Variants in HP1BP3 observed in about 807,000 individuals in gnomAD.
The protein encoded by HP1BP3 is heterochromatin protein 1 binding protein 3.
In HP1BP3, 12 loss-of-function variants were observed where a neutral mutation model predicts 62.5. The ratio of observed to expected loss-of-function variants is 0.19; its 90% CI spans 0.12 to 0.31. The LOEUF (loss-of-function observed/expected upper bound fraction) is 0.31. Among genes scored for constraint, HP1BP3 ranks in the 10% least tolerant of loss-of-function variants. The pLI is 1.00. For missense variants in HP1BP3, 502 were observed against 651.8 expected, an observed-to-expected ratio of 0.77 and a Z score of 2.50; for synonymous variants, 260 against 237.8, an observed-to-expected ratio of 1.09 and a Z score of -0.86.
chr1:20,770,619 T>G (rs1057413821), intron 6 of HP1BP3, among the ~76,000 whole-genome samples: 3 of 152,052 alleles, frequency 2.0e-5, no homozygotes, highest in African/African-American at 7.2e-5. Context: ...CTAGCCTCAT[T>G]TTTGCTGTTT....
chr1:20,747,637 G>T lies in HP1BP3; in HGVS notation c.1160C>A (p.Thr387Asn). ...CCCATTCTTTTCGCATTTCTGCAGG[G>T]TTTTTTTCAGCAAATGCACTGAAAA... Reference protein sequence around the residue: ...SNYQMHLLKKTLQKCEKNGWM... With the variant: ...SNYQMHLLKKNLQKCEKNGWM... The change falls in exon 11 of 13, where the codon ACC becomes AAC. Residue 387 changes from threonine (T) to asparagine (N), a missense_variant. Thr to Asn is a moderately conservative substitution (Grantham distance 65, BLOSUM62 0). Around this residue, in one of 5 missense-constraint regions of HP1BP3, gnomAD observed 194 missense variants for 207.0 expected, o/e 0.94. Coordinates refer to ENST00000438032, the MANE Select transcript of HP1BP3 (RefSeq NM_001372052.1). 1 of 1,610,582 alleles carries T rather than the reference G, an allele frequency of 6.2e-7. No homozygotes were observed. The highest frequency in any genetic ancestry group is 8.5e-7 in the Non-Finnish European group (1 of 1,178,300).
At position 20,744,531 on chromosome 1, in the gene HP1BP3, G is replaced by A. The variant is rs1439740819; in HGVS notation, c.*266C>T. The A allele has an allele frequency of 6.9e-6, 2 of 290,050 alleles. No homozygotes were observed. The highest frequency in any genetic ancestry group is 1.3e-5 in the Non-Finnish European group (2 of 158,804). The allele number at this position is 290,050 out of a possible 1,614,324, so 18.0% of individuals were successfully genotyped here. A position where few individuals can be genotyped will look rare whatever the true frequency, so the allele number is the denominator to read the frequency against. ...AAACAACAGGGGGTTGGGGGAGGCA[G>A]AGAAAAAGGACAAGTATACATTACA... is the stretch of plus-strand genomic sequence containing the variant. On this transcript the variant is annotated 3_prime_UTR_variant, in exon 13 of 13. Transcript: ENST00000438032.
intron 8 of HP1BP3, among the ~76,000 whole-genome samples, chr1:20,757,717 T>C (rs1240449204): frequency 6.6e-6 from 1 of 152,106 alleles, no homozygotes; most frequent in African/African-American, 2.4e-5. Context: ...ATGACAGACC[T>C]AGAAAATTTC....
At position 20,742,210 on chromosome 1, in the gene HP1BP3, C is replaced by G. The variant is rs2055102261; in HGVS notation, c.*2587G>C. 6.6e-6 allele frequency among the ~76,000 whole-genome samples: 1 copy of G among 152,176 alleles called. No homozygotes were observed. Among genetic ancestry groups the G allele is most frequent in the Admixed American group, 6.5e-5 (1 of 15,278 alleles). ...AACCAAAATCTCCCAACTTTTGATT[C>G]CAGAAGAGTACAGAATTCTGAGCAC... On this transcript the variant is annotated 3_prime_UTR_variant, in exon 13 of 13. Transcript: ENST00000438032.
chr1:20,778,501 T>TA (rs1192447873), intron 3 of HP1BP3, among the ~76,000 whole-genome samples: 1 of 152,248 alleles, frequency 6.6e-6, no homozygotes, highest in Non-Finnish European at 1.5e-5. Context: ...ATTAGTGATT[T>TA]AGTGGCTTCA....
chr1:20,751,753 A>G (rs1166176406), intron 9 of HP1BP3, among the ~76,000 whole-genome samples: 7 of 152,044 alleles, frequency 4.6e-5, no homozygotes, highest in Non-Finnish European at 8.8e-5. Flanking sequence ...AAAAAAAAAA[A>G]AAGTATCATA....
intron 6 of HP1BP3, among the ~76,000 whole-genome samples, chr1:20,769,076 T>C (rs1387426979): frequency 6.6e-6 from 1 of 152,180 alleles, no homozygotes; most frequent in East Asian, 1.9e-4. Flanking sequence ...TAGGTAAGAC[T>C]TTTTAGTCAA....
At chr1:20,781,712 C>T (rs1256818413) in intron 1 of HP1BP3, among the ~76,000 whole-genome samples, 2 of 152,154 alleles carry the variant, frequency 1.3e-5, no homozygotes, top group South Asian at 2.1e-4. Flanking sequence ...CTGCAACCTC[C>T]GCCTCCTTGG....
rs1011932859 is a variant in HP1BP3, at chr1:20,749,869, C to T, written c.995G>A (p.Gly332Glu). ...ASGTFQLKKS[G>E]EKPLLGGSLM... is the part of the protein sequence containing the mutation. ...GCTTCCACCAAGCAGGGGTTTCTCC[C>T]CTGATTTCTTCAGCTGTTTTCCAAG... The change falls in exon 10 of 13, where the codon GGG (glycine) becomes GAG (glutamate). Residue 332 changes from glycine to glutamate, a missense_variant. Physicochemically the swap from Gly to Glu is moderately conservative, Grantham distance 98. Transcript: ENST00000438032. The T allele has an allele frequency of 6.2e-7, 1 of 1,612,680 alleles. No individual in the cohort carries two copies. The highest frequency in any genetic ancestry group is 1.3e-5 in the African/African-American group (1 of 74,830).
intron 1 of HP1BP3, among the ~76,000 whole-genome samples, chr1:20,783,832 G>A (rs1012202459): frequency 3.5e-5 from 5 of 142,052 alleles, no homozygotes; most frequent in Admixed American, 7.0e-5. Flanking sequence ...CTTAATAAAA[G>A]TCAAAGTCAT....
chr1:20,745,468 C>A lies in HP1BP3; in HGVS notation c.1367+75G>T. Reference sequence around the variant, plus strand: ...TTTCTGAAATGCTTTTTAGCTTTAGCCCCTCCTATAGCACTATTTTTCAGC... The same window carrying A: ...TTTCTGAAATGCTTTTTAGCTTTAGACCCTCCTATAGCACTATTTTTCAGC... On this transcript the variant is annotated intron_variant, in intron 12 of 12. Transcript: ENST00000438032. 3.3e-6 allele frequency: 5 copies of A among 1,509,880 alleles called. No individual in the cohort carries two copies. The Middle Eastern group carries it at 7.1e-4, about 213-fold the overall frequency. 93.5% of individuals were successfully genotyped at this position (1,509,880 alleles called of 1,614,324 possible).
intron 1 of HP1BP3, among the ~76,000 whole-genome samples, chr1:20,782,823 C>T (rs775067570): frequency 1.6e-4 from 24 of 149,318 alleles, no homozygotes; most frequent in Non-Finnish European, 3.3e-4. Context: ...TCACTTGAAC[C>T]TGGGAGGCGG....
In HP1BP3 at chr1:20,776,652, C is replaced by T. The variant is rs767185427; in HGVS notation, c.295G>A (p.Glu99Lys). The change falls in exon 4 of 13, where the codon GAA becomes AAA. Residue 99 changes from glutamate to lysine, a missense_variant. This residue lies in a region of HP1BP3 where 165 missense variants were observed against 156.4 expected (regional missense o/e 1.05). Transcript: ENST00000438032. ...TCTTCCTTCTCTTCATTCTCAGGTT[C>T]CCCCTTTGGCTGCTCTGCCTCACTC... ...TSSEAEQPKG[E>K]PENEEKEENK... The T allele has an allele frequency of 1.2e-6, 2 of 1,613,764 alleles. No homozygotes were observed. Among genetic ancestry groups the T allele is most frequent in the Admixed American group, 1.7e-5 (1 of 59,968 alleles).
intron 1 of HP1BP3, among the ~76,000 whole-genome samples, chr1:20,782,175 T>C (rs1257306548): frequency 6.6e-6 from 1 of 152,206 alleles, no homozygotes; most frequent in Non-Finnish European, 1.5e-5. Flanking sequence ...TAGTAGCTCA[T>C]GCCTGCAACC....
At chr1:20,781,467 T>C (rs2057543057) in intron 1 of HP1BP3, among the ~76,000 whole-genome samples, 1 of 152,160 alleles carries the variant, frequency 6.6e-6, no homozygotes, top group Non-Finnish European at 1.5e-5. Context: ...AGAGGATGCA[T>C]TCACACTTAT....
chr1:20,784,476 CTTTT>C (rs368306686), intron 1 of HP1BP3, among the ~76,000 whole-genome samples: 23 of 124,504 alleles, frequency 1.8e-4, no homozygotes, highest in Middle Eastern at 4.4e-3. Context: ...TGTGTTTTCC[CTTTT>C]TTTTTTTTTT....
At chr1:20,760,755 G>T (rs902744495) in intron 8 of HP1BP3, among the ~76,000 whole-genome samples, 1 of 152,138 alleles carries the variant, frequency 6.6e-6, no homozygotes, top group African/African-American at 2.4e-5. Flanking sequence ...AAAATCGCTT[G>T]AACCGAGGAG....
chr1:20,775,096 T>C (rs756276803), intron 4 of HP1BP3: 2 of 152,010 alleles, frequency 1.3e-5, no homozygotes, highest in African/African-American at 2.4e-5. Flanking sequence ...CATTAGAGTA[T>C]ATGTTTTCTA....
At chr1:20,762,529 C>G (rs1427868952) in intron 8 of HP1BP3, among the ~76,000 whole-genome samples, 2 of 152,174 alleles carry the variant, frequency 1.3e-5, no homozygotes, top group Non-Finnish European at 2.9e-5. Flanking sequence ...CCCCTAATCA[C>G]AAGGAAAATC....
Sources: allele counts gnomAD v4.1 joint callset (sites outside exome capture counted in the v4.1 genomes callset), GRCh38; gene constraint gnomAD v4.1.1; regional missense constraint gnomAD v4.1.1; transcripts MANE v1.5; gene names NCBI Gene and HGNC (gene_info 2026-07-23, HGNC 2026-07-21).